The following MRM1 variants were observed in gnomAD, a reference collection of about 807,000 sequenced individuals.
MRM1 encodes the protein rRNA methyltransferase 1, mitochondrial.
MRM1 carries 24 observed loss-of-function variants against 25.0 expected under a neutral mutation model. The observed-to-expected ratio is 0.96, with a 90% CI of 0.69 to 1.35. MRM1 has a LOEUF of 1.35. Ranked by LOEUF, MRM1 falls within the 40% of genes most tolerant of loss-of-function variation. The pLI, the probability that MRM1 is intolerant of heterozygous loss-of-function variation, is 0.00. For synonymous variants in MRM1, 188 were observed against 199.2 expected, an observed-to-expected ratio of 0.94 and a Z score of 0.47; for missense variants, 431 against 464.1, an observed-to-expected ratio of 0.93 and a Z score of 0.65.
the MRM1 span, among the ~76,000 whole-genome samples, chr17:36,626,691 C>T: frequency 3.3e-5 from 5 of 152,174 alleles, no homozygotes; most frequent in African/African-American, 7.2e-5. Context: ...TGGGGAAGCA[C>T]ACCTTGATCA....
At chr17:36,623,979 G>A in the MRM1 span, among the ~76,000 whole-genome samples, 3 of 152,168 alleles carry the variant, frequency 2.0e-5, no homozygotes, top group African/African-American at 7.2e-5. Flanking sequence ...TCCCCTCCCA[G>A]GATTCTGCTA....
chr17:36,620,388 G>A, the MRM1 span, among the ~76,000 whole-genome samples: 6 of 152,206 alleles, frequency 3.9e-5, no homozygotes, highest in East Asian at 9.6e-4. Context: ...CCCCCAGGTG[G>A]TGGGAAGGCA....
chr17:36,630,015 G>A, the MRM1 span, among the ~76,000 whole-genome samples: 1 of 152,298 alleles, frequency 6.6e-6, no homozygotes, highest in East Asian at 1.9e-4. Context: ...GGACCTAAAG[G>A]CCTCAGGTTT....
At chr17:36,626,128 G>GC in the MRM1 span, among the ~76,000 whole-genome samples, 4 of 151,930 alleles carry the variant, frequency 2.6e-5, no homozygotes, top group South Asian at 8.3e-4. Context: ...TCCCCTCCCC[G>GC]CCCCCGGACC....
the MRM1 span, among the ~76,000 whole-genome samples, chr17:36,630,441 C>T: frequency 2.6e-5 from 4 of 152,162 alleles, no homozygotes; most frequent in African/African-American, 4.8e-5. Context: ...GTCTGGGGCT[C>T]TGCGGGATCT....
rs1270125556 is a variant in MRM1 at position 36,602,624 on chromosome 17, A to G, written c.614A>G (p.Asp205Gly). 2 of 1,614,156 alleles carry G rather than the reference A, an allele frequency of 1.2e-6. No individual in the cohort carries two copies. Among genetic ancestry groups the G allele is most frequent in the Non-Finnish European group, 1.7e-6 (2 of 1,180,016 alleles). The change falls in exon 2 of 5, where the codon GAT (aspartate) becomes GGT (glycine). Residue 205 changes from aspartate (D) to glycine (G), a missense_variant. Coordinates refer to ENST00000614766, the MANE Select transcript of MRM1 (RefSeq NM_024864.5). The surrounding 1 kb of genome is among the most constrained non-coding windows in gnomAD (Gnocchi z 4.1). ...GAGGTGATGGACGTGTTCTCCACTG[A>G]TGACCTCACCGGATTTTTACAGGTA... ...AMEVMDVFST[D>G]DLTGFLQTKA...
the MRM1 span, among the ~76,000 whole-genome samples, chr17:36,633,059 G>A: frequency 6.6e-6 from 1 of 152,204 alleles, no homozygotes; most frequent in South Asian, 2.1e-4. Flanking sequence ...GAATTATTTG[G>A]ATAATTACAA....
the MRM1 span, among the ~76,000 whole-genome samples, chr17:36,614,857 A>T: frequency 7.3e-3 from 1,119 of 152,336 alleles, 6 homozygotes; most frequent in Admixed American, 0.012. Flanking sequence ...TCTCAAAACT[A>T]TGTTCTTAAA....
At chr17:36,606,197 T>A (rs1177634909) in intron 2 of MRM1, among the ~76,000 whole-genome samples, 4 of 152,134 alleles carry the variant, frequency 2.6e-5, no homozygotes, top group Non-Finnish European at 5.9e-5. Flanking sequence ...CTCCTTCAGG[T>A]CTGCACTCAA....
intron 2 of MRM1, 50 bp from the exon 3 acceptor site, chr17:36,607,607 TAAGACCCTATCTC>T: frequency 3.2e-6 from 5 of 1,545,322 alleles, no homozygotes; most frequent in Non-Finnish European, 4.4e-6. Flanking sequence ...TGAGCGAGAG[TAAGACCCTATCTC>T]AAAATTAAAA....
chr17:36,608,034 T>C lies in MRM1; in HGVS notation c.889+16T>C. ...GTGGCTGCAGGTGAGTCTACTCCCC[T>C]TTCCCTTTCCTCTATCCCTCTAATC... On this transcript the variant is annotated intron_variant, in intron 4 of 4. Coordinates refer to ENST00000614766, the MANE Select transcript of MRM1 (RefSeq NM_024864.5). 2 of 1,612,950 alleles carry C rather than the reference T, an allele frequency of 1.2e-6. No homozygotes were observed. The highest frequency in any genetic ancestry group is 1.7e-6 in the Non-Finnish European group (2 of 1,179,450).
chr17:36,613,388 T>C (rs1054423928), downstream of MRM1, among the ~76,000 whole-genome samples: 1 of 152,202 alleles, frequency 6.6e-6, no homozygotes, highest in African/African-American at 2.4e-5. Flanking sequence ...CATGCCCATC[T>C]GCTAATCCCT....
At chr17:36,619,775 G>C in the MRM1 span, among the ~76,000 whole-genome samples, 1 of 152,150 alleles carries the variant, frequency 6.6e-6, no homozygotes, top group East Asian at 1.9e-4. Flanking sequence ...ATTGCATACT[G>C]TTTTCCATAG....
At chr17:36,634,077 C>G in the MRM1 span, 1 of 152,240 alleles carries the variant, frequency 6.6e-6, no homozygotes, top group Admixed American at 6.5e-5. Context: ...TTCTCTCTCC[C>G]CCATTCTTCT....
chr17:36,602,781 G>A lies in MRM1; in HGVS notation c.636+135G>A, dbSNP rs2074892339. On this transcript the variant is annotated intron_variant, in intron 2 of 4. Transcript: ENST00000614766. The surrounding 1 kb of genome is among the most constrained non-coding windows in gnomAD (Gnocchi z 4.1). ...CCTTTGGCCTTCTAAATCCCTCTGG[G>A]GATGGAAGGGTCCTGGAGTTTTTAA... 8.0e-7 allele frequency: 1 copy of A among 1,251,726 alleles called. No homozygotes were observed. The highest frequency in any genetic ancestry group is 1.1e-6 in the Non-Finnish European group (1 of 896,702). 77.5% of individuals were successfully genotyped at this position (1,251,726 alleles called of 1,614,324 possible).
chr17:36,622,519 C>G, the MRM1 span, among the ~76,000 whole-genome samples: 3 of 150,748 alleles, frequency 2.0e-5, no homozygotes, highest in African/African-American at 7.4e-5. Context: ...TTGCAGTGAG[C>G]TGAGATCAAG....
chr17:36,629,728 TG>T, the MRM1 span, among the ~76,000 whole-genome samples: 108 of 57,672 alleles, frequency 1.9e-3, no homozygotes, highest in African/African-American at 5.7e-3. Flanking sequence ...AGGGATGGGG[TG>T]GGGGGGGGCA....
At position 36,601,614 on chromosome 17, in the gene MRM1, C is replaced by T; in HGVS notation, c.-197C>T. 2.0e-6 allele frequency: 1 copy of T among 512,020 alleles called. No homozygotes were observed. The highest frequency in any genetic ancestry group is 4.7e-5 in the South Asian group (1 of 21,326). The allele number at this position is 512,020 out of a possible 1,614,324, so 31.7% of individuals were successfully genotyped here. On this transcript the variant is annotated 5_prime_UTR_variant, in exon 1 of 5. Coordinates refer to ENST00000614766, the MANE Select transcript of MRM1 (RefSeq NM_024864.5). ...GGAAGCGAGGGACCCACGTGGGAGC[C>T]TGGGAGCGGGTGGTCGTAGCTCGGT...
the MRM1 span, among the ~76,000 whole-genome samples, chr17:36,619,310 C>T: frequency 2.6e-5 from 4 of 152,214 alleles, no homozygotes; most frequent in African/African-American, 9.6e-5. Flanking sequence ...ACCTGGGTTG[C>T]TTCTGCCTCT....
Sources: gnomAD v4.1 joint callset for allele counts (sites outside exome capture counted in the v4.1 genomes callset) on GRCh38, gnomAD v4.1.1 for gene constraint, Gnocchi (gnomAD v3.1) non-coding constraint, MANE v1.5 for transcripts, NCBI Gene and HGNC (gene_info 2026-07-23, HGNC 2026-07-21) for gene names.